The following NBPF26 variants were observed in gnomAD, a reference collection of about 807,000 sequenced individuals.
The protein encoded by NBPF26 is NBPF family member NBPF26.
Under a neutral mutation model 119.6 loss-of-function variants are expected in NBPF26, and 79 were observed. The observed-to-expected ratio is 0.66, with a 90% CI of 0.55 to 0.80. NBPF26 has a LOEUF of 0.80. Ranked by LOEUF, NBPF26 falls within the 30% of genes least tolerant of loss-of-function variation. The pLI is 0.00. For missense variants in NBPF26, 800 were observed against 1,198.2 expected (o/e 0.67, Z 4.91); for synonymous variants, 299 against 457.7 (o/e 0.65, Z 4.43).
chr1:120,838,506 C>T (rs1302744296), intron 27 of NBPF26, among the ~76,000 whole-genome samples: 2 of 80,388 alleles, frequency 2.5e-5, no homozygotes, highest in African/African-American at 5.7e-5. Flanking sequence ...CTCTCTCTCT[C>T]TCTGTGTGTG....
At chr1:120,768,581 G>A (rs1357118880) in intron 2 of NBPF26, among the ~76,000 whole-genome samples, 1 of 109,122 alleles carries the variant, frequency 9.2e-6, no homozygotes, top group Admixed American at 9.1e-5. Context: ...CTCTTCTGCT[G>A]CATGAACTGG....
At chr1:120,759,174 A>G (rs1417172986) in intron 1 of NBPF26, among the ~76,000 whole-genome samples, 1 of 53,630 alleles carries the variant, frequency 1.9e-5, no homozygotes, top group African/African-American at 2.0e-4. Flanking sequence ...CACTGCACTG[A>G]AAGTGTATGA....
chr1:120,752,581 T>TC (rs2101382512), intron 1 of NBPF26, among the ~76,000 whole-genome samples: 1 of 40,324 alleles, frequency 2.5e-5, no homozygotes, highest in Admixed American at 2.8e-4. Flanking sequence ...TTTTCTTTTT[T>TC]TTTTTTTCAG....
chr1:120,809,821 A>G (rs1469822907), exon 8 of NBPF26: 17 of 1,521,312 alleles, frequency 1.1e-5, no homozygotes, highest in Non-Finnish European at 1.5e-5. Context: ...AAAATGACGA[A>G]GATGAGGATG....
chr1:120,783,810 G>A lies in NBPF26; in HGVS notation c.156-1164G>A, dbSNP rs1477142674. Reference sequence around the variant, plus strand: ...CCAGACTAAGACTTCACTGGGTTTTGAGTTAGACAGAGGGAGTCATAGAAG... The same window carrying A: ...CCAGACTAAGACTTCACTGGGTTTTAAGTTAGACAGAGGGAGTCATAGAAG... On this transcript the variant is annotated intron_variant, in intron 2 of 29. Transcript: ENST00000620612. Among the ~76,000 whole-genome samples, 2 of 112,728 alleles carry A rather than the reference G, an allele frequency of 1.8e-5. 1 individual carries two copies. The highest frequency in any genetic ancestry group is 3.4e-5 in the Non-Finnish European group (2 of 59,600). The allele number at this position is 112,728 out of a possible 152,430, so 74.0% of individuals were successfully genotyped here.
At chr1:120,758,109 G>A (rs1651094018) in intron 1 of NBPF26, among the ~76,000 whole-genome samples, 1 of 120,984 alleles carries the variant, frequency 8.3e-6, no homozygotes. Flanking sequence ...ATGGAGGAAT[G>A]GAACTGAGTT....
In NBPF26 at chr1:120,840,593, A is replaced by G. The variant is rs79370452; in HGVS notation, c.4347A>G (p.Ter1449=). 18 of 1,462,816 alleles carry G rather than the reference A, an allele frequency of 1.2e-5. 3 individuals are homozygous for G. The East Asian group carries it at 3.2e-4, about 26-fold the overall frequency. 90.6% of individuals were successfully genotyped at this position (1,462,816 alleles called of 1,614,324 possible). A position where few individuals can be genotyped will look rare whatever the true frequency, so the allele number is the denominator to read the frequency against. Residue 1449 remains the stop codon, a stop_retained_variant, in exon 30 of 30, where the codon TAA becomes TAG. Coordinates refer to ENST00000620612, the Ensembl canonical transcript of NBPF26. ...AGATGGGAGTCATATTCCCACAATA[A>G]GCAGCCCTTACTAAGCCGAGAGGTG...
At chr1:120,823,683 G>T (rs1343442465) in intron 17 of NBPF26, among the ~76,000 whole-genome samples, 1 of 121,298 alleles carries the variant, frequency 8.2e-6, no homozygotes, top group Non-Finnish European at 1.7e-5. Flanking sequence ...TGTGTCCTGA[G>T]AGCACAAATA....
At position 120,805,545 on chromosome 1, in the gene NBPF26, C is replaced by G. The variant is rs1651660984; in HGVS notation, c.752-11C>G. 23 of 1,322,306 alleles carry G rather than the reference C, an allele frequency of 1.7e-5. 5 individuals carry two copies. In the South Asian group the frequency reaches 2.8e-4, roughly 16 times the overall value. The allele number at this position is 1,322,306 out of a possible 1,614,324, so 81.9% of individuals were successfully genotyped here. ...TTTAACCCATCATATGTTTGGGTTT[C>G]TTCTCCCCAGTCCCTGACTCCACCT... On this transcript the variant is annotated splice_polypyrimidine_tract_variant and intron_variant, in intron 4 of 29. Coordinates refer to ENST00000620612, the Ensembl canonical transcript of NBPF26.
chr1:120,810,207 G>A (rs1353620321), intron 8 of NBPF26, 140 bp from the exon 9 acceptor site: 2 of 1,070,650 alleles, frequency 1.9e-6, no homozygotes, highest in East Asian at 4.9e-5. Context: ...CGGATTGCCT[G>A]TTTCCTCTTT....
At chr1:120,776,129 T>C (rs1651304943) in intron 2 of NBPF26, among the ~76,000 whole-genome samples, 1 of 116,928 alleles carries the variant, frequency 8.6e-6, no homozygotes, top group Non-Finnish European at 1.6e-5. Flanking sequence ...GTTGAATGCC[T>C]TCTATATGCC....
chr1:120,791,817 T>C lies in NBPF26; in HGVS notation c.416-1344T>C, dbSNP rs1651496840. 2.5e-5 allele frequency among the ~76,000 whole-genome samples: 2 copies of C among 79,028 alleles called. 1 individual carries two copies. The highest frequency in any genetic ancestry group is 2.6e-4 in the Admixed American group (2 of 7,728). 51.8% of individuals were successfully genotyped at this position (79,028 alleles called of 152,430 possible). A position where few individuals can be genotyped will look rare whatever the true frequency, so the allele number is the denominator to read the frequency against. On this transcript the variant is annotated intron_variant, in intron 3 of 29. Coordinates refer to ENST00000620612, the Ensembl canonical transcript of NBPF26. Reference sequence around the variant, plus strand: ...ATAATAATAATAATAGTAATAAAAATTCAAGGAGTTCTCATCTCTGTAGTT... The same window carrying C: ...ATAATAATAATAATAGTAATAAAAACTCAAGGAGTTCTCATCTCTGTAGTT...
At chr1:120,812,893 A>G (rs1465579236) in intron 10 of NBPF26, among the ~76,000 whole-genome samples, 1 of 112,004 alleles carries the variant, frequency 8.9e-6, no homozygotes, top group African/African-American at 5.0e-5. Flanking sequence ...ATTGCACTCC[A>G]GCCTGGGCGA....
At chr1:120,759,066 T>G (rs1418996594) in intron 1 of NBPF26, among the ~76,000 whole-genome samples, 1 of 98,802 alleles carries the variant, frequency 1.0e-5, no homozygotes, top group Non-Finnish European at 1.8e-5. Flanking sequence ...GGGAGTTTAT[T>G]CTGTATACTA....
chr1:120,805,622 A>T, exon 5 of NBPF26: 1 of 1,463,088 alleles, frequency 6.8e-7, no homozygotes, highest in Non-Finnish European at 9.2e-7. Context: ...TGGTCCAGTG[A>T]GAAGGCAGAG....
At chr1:120,793,408 G>T in exon 4 of NBPF26, 1 of 1,441,842 alleles carries the variant, frequency 6.9e-7, no homozygotes. Context: ...GTGACAGACT[G>T]TATGTGCCCT....
rs1164850843 is a variant in NBPF26 at position 120,783,667 on chromosome 1, A to T, written c.156-1307A>T. Among the ~76,000 whole-genome samples, 5 of 113,576 alleles carry T rather than the reference A, an allele frequency of 4.4e-5. 2 individuals are homozygous for T. Among genetic ancestry groups the T allele is most frequent in the African/African-American group, 2.7e-4 (5 of 18,844 alleles). 74.5% of individuals were successfully genotyped at this position (113,576 alleles called of 152,430 possible). A position where few individuals can be genotyped will look rare whatever the true frequency, so the allele number is the denominator to read the frequency against. ...ATTTTGGAGTCAGTTACAGGAAGGA[A>T]GTTGTTTAAAACCAAGTGAACAACA... On this transcript the variant is annotated intron_variant, in intron 2 of 29. Transcript: ENST00000620612.
chr1:120,815,255 T>A lies in NBPF26; in HGVS notation c.2092+212T>A, dbSNP rs1486335544. Among the ~76,000 whole-genome samples, 3 of 115,134 alleles carry A rather than the reference T, an allele frequency of 2.6e-5. No individual in the cohort carries two copies. The East Asian group carries it at 6.4e-4, about 25-fold the overall frequency. The allele number at this position is 115,134 out of a possible 152,430, so 75.5% of individuals were successfully genotyped here. A position where few individuals can be genotyped will look rare whatever the true frequency, so the allele number is the denominator to read the frequency against. On this transcript the variant is annotated intron_variant, in intron 12 of 29. Transcript: ENST00000620612. ...ATTGCAAGTGTCCCTCCTTCCTTGA[T>A]GGAAGGTGGTCTTTGGAGCAAGAGG...
rs1292282606 is a variant in NBPF26 at position 120,804,721 on chromosome 1, C to T, written c.752-835C>T. Reference sequence around the variant, plus strand: ...ACCCACATAGAGGAAGAGCTTTGGACGTAGGGATGTCAAACTGGTCTAGAA... The same window carrying T: ...ACCCACATAGAGGAAGAGCTTTGGATGTAGGGATGTCAAACTGGTCTAGAA... On this transcript the variant is annotated intron_variant, in intron 4 of 29. Transcript: ENST00000620612. Among the ~76,000 whole-genome samples, 18 of 117,026 alleles carry T rather than the reference C, an allele frequency of 1.5e-4. 5 individuals are homozygous for T. Among genetic ancestry groups the T allele is most frequent in the East Asian group, 8.3e-4 (4 of 4,812 alleles). The allele number at this position is 117,026 out of a possible 152,430, so 76.8% of individuals were successfully genotyped here. A position where few individuals can be genotyped will look rare whatever the true frequency, so the allele number is the denominator to read the frequency against.
Sources: gnomAD v4.1 joint callset for allele counts (sites outside exome capture counted in the v4.1 genomes callset) on GRCh38, gnomAD v4.1.1 for gene constraint, MANE v1.5 for transcripts, NCBI Gene and HGNC (gene_info 2026-07-23, HGNC 2026-07-21) for gene names.